DNMBP: variants seen among roughly 807,000 people sequenced by gnomAD.
DNMBP encodes the protein dynamin binding protein, also known as dynamin-binding protein.
Under a neutral mutation model 150.0 loss-of-function variants are expected in DNMBP, and 87 were observed. That is an observed-to-expected ratio of 0.58 (90% CI 0.49 to 0.69). The LOEUF (loss-of-function observed/expected upper bound fraction) is 0.69. DNMBP is among the 30% of genes least tolerant of loss of function. The probability of loss-of-function intolerance (pLI) is 0.00; values close to 1 mark genes in which losing one functional copy is unlikely to be tolerated. For synonymous variants in DNMBP, 711 were observed against 750.4 expected, an observed-to-expected ratio of 0.95 and a Z score of 0.86; for missense variants, 1,774 against 1,949.0, an observed-to-expected ratio of 0.91 and a Z score of 1.69.
At chr10:99,891,815 C>G (rs2039568551) in intron 11 of DNMBP, among the ~76,000 whole-genome samples, 2 of 151,190 alleles carry the variant, frequency 1.3e-5, no homozygotes, top group African/African-American at 4.9e-5. Flanking sequence ...GGGAGCGCCT[C>G]TGCCCCGCCG....
At chr10:99,891,631 C>G (rs1467486564) in intron 11 of DNMBP, among the ~76,000 whole-genome samples, 8 of 150,714 alleles carry the variant, frequency 5.3e-5, no homozygotes, top group Middle Eastern at 3.4e-3. Context: ...TGCCTGGCCG[C>G]CCATCGTCTG....
At chr10:99,902,461 C>T (rs1274521814) in intron 6 of DNMBP, among the ~76,000 whole-genome samples, 2 of 150,638 alleles carry the variant, frequency 1.3e-5, no homozygotes, top group East Asian at 2.0e-4. Context: ...AGGCATGCGC[C>T]ACCACGCCTG....
chr10:99,894,870 C>A, intron 11 of DNMBP, 76 bp downstream of exon 11: 2 of 1,164,616 alleles, frequency 1.7e-6, no homozygotes, highest in Non-Finnish European at 2.5e-6. Flanking sequence ...ATTCATTAAA[C>A]AATATGACTG....
At chr10:99,930,080 A>G in intron 4 of DNMBP, 1 of 702,910 alleles carries the variant, frequency 1.4e-6, no homozygotes, top group East Asian at 2.7e-5. Context: ...TAAATTCCTT[A>G]TCTTCATTGA....
intron 4 of DNMBP, among the ~76,000 whole-genome samples, chr10:99,934,636 T>C (rs1412914296): frequency 1.5e-5 from 2 of 135,972 alleles, no homozygotes; most frequent in Non-Finnish European, 3.2e-5. Context: ...AGGCTCCTTG[T>C]GCTTCATGGT....
At chr10:99,969,791 A>AT (rs764959726) in intron 2 of DNMBP, among the ~76,000 whole-genome samples, 99 of 152,208 alleles carry the variant, frequency 6.5e-4, no homozygotes, top group Admixed American at 1.2e-3. Context: ...CTCTGGGTAT[A>AT]TTTATCTCCA....
In DNMBP at chr10:99,951,480, C is replaced by T. The variant is rs142624337; in HGVS notation, c.2260+3734G>A. ...AAGCTGTAGACACTCAACATCAGCC[C>T]GTGAAAGCAGCCAGGAGGGAGGCTG... is the stretch of plus-strand genomic sequence containing the variant. On this transcript the variant is annotated intron_variant, in intron 4 of 16. Coordinates refer to ENST00000324109, the MANE Select transcript of DNMBP (RefSeq NM_015221.4). Among the ~76,000 whole-genome samples the T allele has an allele frequency of 8.5e-3, 1,299 of 152,298 alleles. 18 individuals carry two copies. Among genetic ancestry groups the T allele is most frequent in the Middle Eastern group, 0.044 (13 of 294 alleles).
chr10:99,929,766 A>G, intron 4 of DNMBP: 1 of 702,814 alleles, frequency 1.4e-6, no homozygotes, highest in South Asian at 1.5e-5. Context: ...GCTCTGAGGA[A>G]TCCCCAAATG....
intron 4 of DNMBP, among the ~76,000 whole-genome samples, chr10:99,931,384 G>C (rs1366608012): frequency 1.3e-5 from 2 of 152,190 alleles, no homozygotes; most frequent in Non-Finnish European, 2.9e-5. Context: ...GAAGTCACCA[G>C]TTAGTGTACA....
intron 15 of DNMBP, among the ~76,000 whole-genome samples, chr10:99,882,310 T>G (rs1171354038): frequency 6.6e-6 from 1 of 152,194 alleles, no homozygotes; most frequent in African/African-American, 2.4e-5. Flanking sequence ...GTAAGGTTAC[T>G]ATAGCTAATG....
At chr10:99,964,212 G>A (rs553041337) in intron 3 of DNMBP, among the ~76,000 whole-genome samples, 9 of 138,254 alleles carry the variant, frequency 6.5e-5, no homozygotes, top group African/African-American at 2.5e-4. Context: ...GTGCGATCTC[G>A]GCTCGCTGCA....
In DNMBP at chr10:99,934,787, C is replaced by T. The variant is rs561198434; in HGVS notation, c.2260+20427G>A. ...GAGATGGTGGGAATTGGACCAGGGT[C>T]GTAGCATAGAGCAATTAGTAGAAGG... On this transcript the variant is annotated intron_variant, in intron 4 of 16. Coordinates refer to ENST00000324109, the MANE Select transcript of DNMBP (RefSeq NM_015221.4). Among the ~76,000 whole-genome samples the T allele has an allele frequency of 1.1e-3, 139 of 126,378 alleles. 1 individual carries two copies. Among genetic ancestry groups the T allele is most frequent in the Non-Finnish European group, 2.1e-3 (123 of 58,544 alleles). The allele number at this position is 126,378 out of a possible 152,430, so 82.9% of individuals were successfully genotyped here. A position where few individuals can be genotyped will look rare whatever the true frequency, so the allele number is the denominator to read the frequency against.
intron 1 of DNMBP, among the ~76,000 whole-genome samples, chr10:99,972,355 G>A (rs12764325): frequency 0.062 from 9,371 of 150,466 alleles, 407 homozygotes; most frequent in Non-Finnish European, 0.094. Flanking sequence ...CTGTAGCCTC[G>A]ACTTCCTGGG....
intron 7 of DNMBP, among the ~76,000 whole-genome samples, chr10:99,899,677 C>CTTGT (rs10700262): frequency 0.44 from 67,149 of 151,676 alleles, 15,087 homozygotes; most frequent in African/African-American, 0.46. Flanking sequence ...CACCTATGCT[C>CTTGT]TTATTTGGAC....
chr10:99,915,108 A>T (rs372514695), intron 4 of DNMBP, among the ~76,000 whole-genome samples: 5,422 of 99,728 alleles, frequency 0.054, 173 homozygotes, highest in Non-Finnish European at 0.065. Context: ...AAAAAAAAAA[A>T]ATATATATAT....
intron 4 of DNMBP, among the ~76,000 whole-genome samples, chr10:99,911,891 A>G (rs1255857073): frequency 1.3e-5 from 2 of 152,184 alleles, no homozygotes; most frequent in African/African-American, 2.4e-5. Flanking sequence ...GTGATCTCAA[A>G]GCAACAGACT....
At chr10:99,965,851 T>G (rs1292045686) in intron 3 of DNMBP, among the ~76,000 whole-genome samples, 6 of 152,106 alleles carry the variant, frequency 3.9e-5, no homozygotes, top group Non-Finnish European at 8.8e-5. Context: ...TCATCAACAT[T>G]TCATTTACAG....
chr10:99,891,291 C>T (rs924926223), intron 11 of DNMBP, among the ~76,000 whole-genome samples: 1 of 150,002 alleles, frequency 6.7e-6, no homozygotes, highest in Non-Finnish European at 1.5e-5. Context: ...CTGCCTGATT[C>T]TCCTGCCTCA....
At chr10:99,994,560 G>C (rs903761919) in intron 1 of DNMBP, among the ~76,000 whole-genome samples, 5 of 152,154 alleles carry the variant, frequency 3.3e-5, no homozygotes, top group Non-Finnish European at 7.4e-5. Context: ...CCAGGACAAC[G>C]CAATTGACGT....
Sources: gnomAD v4.1 joint callset for allele counts (sites outside exome capture counted in the v4.1 genomes callset) on GRCh38, gnomAD v4.1.1 for gene constraint, MANE v1.5 for transcripts, NCBI Gene and HGNC (gene_info 2026-07-23, HGNC 2026-07-21) for gene names.